Variants in ECE1 observed in about 807,000 individuals in gnomAD.
The protein encoded by ECE1 is endothelin converting enzyme 1, also known as endothelin-converting enzyme 1.
In ECE1, 35 loss-of-function variants were observed where a neutral mutation model predicts 98.6. The observed-to-expected ratio is 0.35, with a 90% CI of 0.27 to 0.47. The LOEUF is 0.47. ECE1 is among the 20% of genes least tolerant of loss of function. The probability of loss-of-function intolerance (pLI) is 1.00; values close to 1 mark genes in which losing one functional copy is unlikely to be tolerated. For synonymous variants in ECE1, 394 were observed against 407.1 expected (o/e 0.97, Z 0.39); for missense variants, 814 against 1,025.3 (o/e 0.79, Z 2.81).
chr1:21,225,372 G>A lies in ECE1; in HGVS notation c.1918C>T (p.Arg640Cys), dbSNP rs780170539. Reference sequence around the variant, plus strand: ...TGCTCTACCATGCACTCGGTCTGACGCTTGAAGGCCTCCACGGATGAGTTC... The same window carrying A: ...TGCTCTACCATGCACTCGGTCTGACACTTGAAGGCCTCCACGGATGAGTTC... ...WKNSSVEAFK[R>C]QTECMVEQYS... The change falls in exon 17 of 19, where the codon CGT becomes TGT. Residue 640 changes from arginine to cysteine, a missense_variant. Arg to Cys is a radical substitution (Grantham distance 180). This residue lies in a region of ECE1 where 452 missense variants were observed against 567.3 expected (regional missense o/e 0.80). Coordinates refer to ENST00000374893, the MANE Select transcript of ECE1 (RefSeq NM_001397.3). This position sits in a 1 kb window ranked among gnomAD's most constrained non-coding sequence, Gnocchi z 5.3. The A allele has an allele frequency of 3.7e-6, 6 of 1,614,104 alleles. No individual in the cohort carries two copies. Among genetic ancestry groups the A allele is most frequent in the Non-Finnish European group, 4.2e-6 (5 of 1,180,054 alleles).
intron 4 of ECE1, among the ~76,000 whole-genome samples, chr1:21,272,440 C>A (rs28367955): frequency 1.3e-5 from 2 of 152,208 alleles, no homozygotes; most frequent in Admixed American, 1.3e-4. Flanking sequence ...TACAGGCGCA[C>A]GCCACCATGC....
rs867283677 is a variant in ECE1, at chr1:21,279,574, G to C, written c.139-242C>G. On this transcript the variant is annotated intron_variant, in intron 2 of 18. Transcript: ENST00000374893. Reference sequence around the variant, plus strand: ...CAAGCAGCTCGGCCCCGACAGGCTTGTTTTTTTGTGTCACTCGATATGAGT... The same window carrying C: ...CAAGCAGCTCGGCCCCGACAGGCTTCTTTTTTTGTGTCACTCGATATGAGT... The C allele has an allele frequency of 1.3e-4, 187 of 1,440,704 alleles. No homozygotes were observed. In the Middle Eastern group the frequency reaches 3.1e-3, roughly 24 times the overall value. The allele number at this position is 1,440,704 out of a possible 1,614,324, so 89.2% of individuals were successfully genotyped here.
intron 11 of ECE1, 58 bp from the exon 12 acceptor site, chr1:21,236,902 C>T: frequency 6.9e-7 from 1 of 1,456,192 alleles, no homozygotes; most frequent in Non-Finnish European, 9.6e-7. Flanking sequence ...GTAAATGCAA[C>T]AGGCACCCCG....
At chr1:21,290,524 G>C (rs545499254), upstream of ECE1, 1 of 1,202,554 alleles carries the variant, frequency 8.3e-7, no homozygotes, top group Non-Finnish European at 1.0e-6. The surrounding 1 kb of genome is among the most constrained non-coding windows in gnomAD (Gnocchi z 7.3). Flanking sequence ...GCCGGCGCCC[G>C]GTTCCCAACC....
chr1:21,252,274 C>T (rs1024311982), intron 8 of ECE1, among the ~76,000 whole-genome samples: 2 of 152,298 alleles, frequency 1.3e-5, no homozygotes, highest in Middle Eastern at 3.4e-3. Flanking sequence ...TCACATTTTC[C>T]ATCCTGGCTG....
Position 21,221,849 on chromosome 1 carries a change from G to A in ECE1, c.2041-7C>T, listed in dbSNP as rs763304501. The A allele has an allele frequency of 2.5e-6, 4 of 1,613,956 alleles. No homozygotes were observed. The African/African-American group carries it at 4.0e-5, about 16-fold the overall frequency. ...TCACCCAGTTCTGGTAAGCCTGGGA[G>A]GAGAGAAAACCAAAGCTCAGGGGTT... On this transcript the variant is annotated splice_polypyrimidine_tract_variant and splice_region_variant and intron_variant, in intron 17 of 18. Transcript: ENST00000374893.
intron 2 of ECE1, chr1:21,279,553 C>G: frequency 6.9e-7 from 1 of 1,447,524 alleles, no homozygotes; most frequent in South Asian, 1.5e-5. Context: ...GAGAGTCAAG[C>G]AGCTCGGCCC....
rs1368543985 is a variant in ECE1, at chr1:21,260,651, T to G, written c.494-259A>C. On this transcript the variant is annotated intron_variant, in intron 4 of 18. Transcript: ENST00000374893. The surrounding 1 kb of genome is among the most constrained non-coding windows in gnomAD (Gnocchi z 4.3). ...GACCACGTTTCTCTCCCTCTGCCAG[T>G]TGGGTTCACAGACGTGTCCCCGGGT... 6.6e-6 allele frequency among the ~76,000 whole-genome samples: 1 copy of G among 152,182 alleles called. No individual in the cohort carries two copies. Among genetic ancestry groups the G allele is most frequent in the Non-Finnish European group, 1.5e-5 (1 of 68,012 alleles).
chr1:21,287,470 G>A (rs2098261844), intron 2 of ECE1, among the ~76,000 whole-genome samples: 1 of 151,852 alleles, frequency 6.6e-6, no homozygotes, highest in South Asian at 2.1e-4. Context: ...AGGTTGCAGT[G>A]AGCTGAGATC....
At chr1:21,250,356 G>C (rs1442618943) in intron 8 of ECE1, among the ~76,000 whole-genome samples, 1 of 152,160 alleles carries the variant, frequency 6.6e-6, no homozygotes, top group Non-Finnish European at 1.5e-5. Context: ...CGATTTTACA[G>C]AACACAAGGT....
In ECE1 at chr1:21,217,319, C is replaced by A; in HGVS notation, c.*2636G>T. Reference sequence around the variant, plus strand: ...AACTACAGTAGCTCAAAACATAATACAAAAAATAGATTCCCAGCTCCCAAC... The same window carrying A: ...AACTACAGTAGCTCAAAACATAATAAAAAAAATAGATTCCCAGCTCCCAAC... On this transcript the variant is annotated 3_prime_UTR_variant, in exon 19 of 19. Coordinates refer to ENST00000374893, the MANE Select transcript of ECE1 (RefSeq NM_001397.3). 6.6e-6 allele frequency: 1 copy of A among 152,342 alleles called. No individual in the cohort carries two copies. The allele number at this position is 152,342 out of a possible 1,614,324, so 9.4% of individuals were successfully genotyped here.
intron 14 of ECE1, among the ~76,000 whole-genome samples, chr1:21,230,701 A>G (rs2098180686): frequency 1.3e-5 from 2 of 150,722 alleles, no homozygotes; most frequent in Admixed American, 1.3e-4. Flanking sequence ...TTCTTTCTAT[A>G]TATAAAAACA....
rs1317851107 is a variant in ECE1, at chr1:21,260,194, G to A, written c.615+77C>T. Reference sequence around the variant, plus strand: ...CGTATGAGGTGGGCCAGTGGTACCAGAAGGCTGGAGTGGAAGCCAGGGGGC... The same window carrying A: ...CGTATGAGGTGGGCCAGTGGTACCAAAAGGCTGGAGTGGAAGCCAGGGGGC... On this transcript the variant is annotated intron_variant, in intron 5 of 18. Coordinates refer to ENST00000374893, the MANE Select transcript of ECE1 (RefSeq NM_001397.3). The surrounding 1 kb of genome is among the most constrained non-coding windows in gnomAD (Gnocchi z 4.3). 1.2e-6 allele frequency: 2 copies of A among 1,607,412 alleles called. No individual in the cohort carries two copies. Among genetic ancestry groups the A allele is most frequent in the African/African-American group, 1.3e-5 (1 of 74,800 alleles).
intron 1 of ECE1, among the ~76,000 whole-genome samples, chr1:21,321,295 A>T (rs1638958792): frequency 6.6e-6 from 1 of 152,204 alleles, no homozygotes. Flanking sequence ...GCAGGCCTTC[A>T]GGAGGCCCAG....
chr1:21,335,219 G>A (rs1423442326), intron 1 of ECE1, among the ~76,000 whole-genome samples: 1 of 151,382 alleles, frequency 6.6e-6, no homozygotes, highest in African/African-American at 2.4e-5. Flanking sequence ...TCATGTCCCA[G>A]CTCAGACATC....
chr1:21,246,856 G>A (rs549767072), intron 9 of ECE1, among the ~76,000 whole-genome samples: 1 of 152,244 alleles, frequency 6.6e-6, no homozygotes, highest in East Asian at 1.9e-4. Flanking sequence ...ACACCGTCTC[G>A]CCATGTTGCC....
rs944624628 is a variant in ECE1 at position 21,327,363 on chromosome 1, C to T, written c.3+18013G>A. On this transcript the variant is annotated intron_variant, in intron 1 of 18. Transcript: ENST00000415912. The surrounding 1 kb of genome is among the most constrained non-coding windows in gnomAD (Gnocchi z 4.6). Reference sequence around the variant, plus strand: ...TCATTTGTCAAAGCGACGGGCTGATCCCCTGCCCCACTCCAATCAATCACC... The same window carrying T: ...TCATTTGTCAAAGCGACGGGCTGATTCCCTGCCCCACTCCAATCAATCACC... Among the ~76,000 whole-genome samples the T allele has an allele frequency of 2.6e-5, 4 of 152,142 alleles. No individual in the cohort carries two copies. Among genetic ancestry groups the T allele is most frequent in the African/African-American group, 9.7e-5 (4 of 41,420 alleles).
chr1:21,314,780 C>G lies in ECE1; in HGVS notation c.4-24624G>C, dbSNP rs138205023. On this transcript the variant is annotated intron_variant, in intron 1 of 18. Coordinates refer to the ECE1 transcript ENST00000415912. ...GTGCCATTTCCATGGGATCATGTAT[C>G]TTTATCTACTGCAAGCAACTTGAGT... Among the ~76,000 whole-genome samples the G allele has an allele frequency of 7.2e-3, 1,100 of 152,372 alleles. 8 individuals carry two copies. The highest frequency in any genetic ancestry group is 0.019 in the African/African-American group (779 of 41,582).
intron 1 of ECE1, among the ~76,000 whole-genome samples, chr1:21,332,122 A>G (rs566991567): frequency 1.3e-5 from 2 of 152,250 alleles, no homozygotes; most frequent in South Asian, 4.1e-4. Flanking sequence ...GGTGTGCAGC[A>G]GGGTTGTGGG....
Sources: allele counts gnomAD v4.1 joint callset (sites outside exome capture counted in the v4.1 genomes callset), GRCh38; gene constraint gnomAD v4.1.1; regional missense constraint gnomAD v4.1.1; non-coding constraint Gnocchi (gnomAD v3.1); transcripts MANE v1.5; gene names NCBI Gene and HGNC (gene_info 2026-07-23, HGNC 2026-07-21).